PTPN14: variants seen among roughly 807,000 people sequenced by gnomAD.
The protein encoded by PTPN14 is protein tyrosine phosphatase non-receptor type 14.
Under a neutral mutation model 126.8 loss-of-function variants are expected in PTPN14, and 53 were observed. That is an observed-to-expected ratio of 0.42 (90% CI 0.34 to 0.53). PTPN14 has a LOEUF of 0.53. Ranked by LOEUF, PTPN14 falls within the 20% of genes least tolerant of loss-of-function variation. The probability of loss-of-function intolerance (pLI) is 0.08; values close to 1 mark genes in which losing one functional copy is unlikely to be tolerated. For missense variants in PTPN14, 1,257 were observed against 1,552.9 expected, an observed-to-expected ratio of 0.81 and a Z score of 3.20; for synonymous variants, 630 against 599.3, an observed-to-expected ratio of 1.05 and a Z score of -0.75.
At chr1:214,518,524 C>G (rs1416618777) in intron 1 of PTPN14, among the ~76,000 whole-genome samples, 1 of 152,086 alleles carries the variant, frequency 6.6e-6, no homozygotes, top group Non-Finnish European at 1.5e-5. Flanking sequence ...ATCTATTTCA[C>G]AAAGAATGAA....
At position 214,384,151 on chromosome 1, in the gene PTPN14, G is replaced by C. The variant is rs1189277996; in HGVS notation, c.1704C>G (p.Pro568=). 2.5e-6 allele frequency: 4 copies of C among 1,580,556 alleles called. No individual in the cohort carries two copies. In the South Asian group the frequency reaches 3.5e-5, roughly 14 times the overall value. ...TGGCAGGTCGTGGCCGTGGGTAGGG[G>C]GGCGGTGGCCTGAAGAGATAGTTCT... ...MLKNYLFRPP[P]PYPRPRPATS... The change falls in exon 13 of 19, where the codon CCC becomes CCG. Residue 568 remains proline, a synonymous_variant. Transcript: ENST00000366956. The surrounding 1 kb of genome is among the most constrained non-coding windows in gnomAD (Gnocchi z 5.3).
chr1:214,445,233 C>T (rs1477136845), intron 3 of PTPN14, among the ~76,000 whole-genome samples: 1 of 152,174 alleles, frequency 6.6e-6, no homozygotes, highest in Non-Finnish European at 1.5e-5. Context: ...CGAAAACAGA[C>T]ATAGCATCCA....
At chr1:214,408,443 C>G (rs1162056340) in intron 5 of PTPN14, among the ~76,000 whole-genome samples, 2 of 152,138 alleles carry the variant, frequency 1.3e-5, no homozygotes, top group Non-Finnish European at 2.9e-5. Context: ...ACAAACCAAC[C>G]AACAAAAATT....
At chr1:214,456,192 G>C (rs1660378226) in intron 2 of PTPN14, among the ~76,000 whole-genome samples, 1 of 152,128 alleles carries the variant, frequency 6.6e-6, no homozygotes, top group Admixed American at 6.6e-5. Context: ...CTTATCTCAA[G>C]CATTTTGAAG....
rs1441572032 is a variant in PTPN14 at position 214,377,992 on chromosome 1, T to C, written c.2655A>G (p.Arg885=). ...CCATGGGAACCCGGGTGGCATCAAC[T>C]CGATTCTCTTCCCGCCCTGAGACTC... ...VARVSGREEN[R]VDATRVPMDE... Residue 885 remains arginine (R), a synonymous_variant, in exon 14 of 19, where the codon CGA becomes CGG. Coordinates refer to ENST00000366956, the MANE Select transcript of PTPN14 (RefSeq NM_005401.5). 1.9e-6 allele frequency: 3 copies of C among 1,613,372 alleles called. No individual in the cohort carries two copies. Among genetic ancestry groups the C allele is most frequent in the Non-Finnish European group, 2.5e-6 (3 of 1,179,910 alleles).
chr1:214,489,249 A>T (rs559957415), intron 1 of PTPN14, among the ~76,000 whole-genome samples: 64 of 152,290 alleles, frequency 4.2e-4, no homozygotes, highest in African/African-American at 1.5e-3. Context: ...TCCTCATGTT[A>T]TGGGTGACGA....
chr1:214,401,886 C>T (rs1659027266), intron 6 of PTPN14, 114 bp from the exon 7 acceptor site: 2 of 797,878 alleles, frequency 2.5e-6, no homozygotes, highest in Non-Finnish European at 2.1e-6. Flanking sequence ...CTGGGAAGAG[C>T]AATCATTACC....
In PTPN14 at chr1:214,350,045, T is replaced by C. The variant is rs1445311498; in HGVS notation, c.*7877A>G. ...AGATCCCAATCCAATCTTTTCAGCT[T>C]TATCCTCTAAAACCTTTTGTCAGAT... is the stretch of plus-strand genomic sequence containing the variant. On this transcript the variant is annotated 3_prime_UTR_variant, in exon 19 of 19. Transcript: ENST00000366956. 6.6e-6 allele frequency: 1 copy of C among 152,226 alleles called. No individual in the cohort carries two copies. Among genetic ancestry groups the C allele is most frequent in the Non-Finnish European group, 1.5e-5 (1 of 68,040 alleles). The allele number at this position is 152,226 out of a possible 1,614,324, so 9.4% of individuals were successfully genotyped here.
rs542362121 is a variant in PTPN14, at chr1:214,533,208, C to T, written c.-155+17975G>A. On this transcript the variant is annotated intron_variant, in intron 1 of 18. Coordinates refer to ENST00000366956, the MANE Select transcript of PTPN14 (RefSeq NM_005401.5). ...AGCAGCTCAACGAGATCCTGCTGCA[C>T]CTGGCGTCAGGGCTGGCCCAGACCC... The T allele has an allele frequency of 6.7e-4, 459 of 690,150 alleles. 1 individual carries two copies. The highest frequency in any genetic ancestry group is 1.0e-3 in the Non-Finnish European group (402 of 385,662). 42.8% of individuals were successfully genotyped at this position (690,150 alleles called of 1,614,324 possible). A position where few individuals can be genotyped will look rare whatever the true frequency, so the allele number is the denominator to read the frequency against.
chr1:214,407,999 TTC>T (rs58372330), intron 5 of PTPN14, among the ~76,000 whole-genome samples: 19,058 of 152,154 alleles, frequency 0.13, 1,429 homozygotes, highest in Middle Eastern at 0.26. Context: ...CCTCTGCTCC[TTC>T]TCTCTCTGTC....
intron 1 of PTPN14, among the ~76,000 whole-genome samples, chr1:214,497,999 AT>A (rs1654579341): frequency 6.6e-6 from 1 of 152,150 alleles, no homozygotes; most frequent in Non-Finnish European, 1.5e-5. Context: ...GTTCTGGGTG[AT>A]TTTTATTTTC....
chr1:214,420,214 C>T (rs78285917), intron 3 of PTPN14, among the ~76,000 whole-genome samples: 1,870 of 152,270 alleles, frequency 0.012, 47 homozygotes, highest in African/African-American at 0.042. Context: ...AGCAAAGATA[C>T]CCTTAAAAGG....
chr1:214,407,940 T>C (rs988360478), intron 5 of PTPN14, among the ~76,000 whole-genome samples: 7 of 152,178 alleles, frequency 4.6e-5, no homozygotes, highest in Non-Finnish European at 8.8e-5. Flanking sequence ...CACCCGTAGC[T>C]ACAGTCAAAC....
rs974520547 is a variant in PTPN14, at chr1:214,533,151, G to A, written c.-155+18032C>T. On this transcript the variant is annotated intron_variant, in intron 1 of 18. Transcript: ENST00000366956. ...AGGCCAGCTTGGAGAACAGCCTGAG[G>A]GAGGTGGAGGTCCGCTACACCCTGC... 1.5e-5 allele frequency: 11 copies of A among 754,182 alleles called. No homozygotes were observed. The African/African-American group carries it at 1.6e-4, about 11-fold the overall frequency. The allele number at this position is 754,182 out of a possible 1,614,324, so 46.7% of individuals were successfully genotyped here. A position where few individuals can be genotyped will look rare whatever the true frequency, so the allele number is the denominator to read the frequency against.
At chr1:214,496,340 A>G (rs1450145807) in intron 1 of PTPN14, among the ~76,000 whole-genome samples, 1 of 152,168 alleles carries the variant, frequency 6.6e-6, no homozygotes, top group Non-Finnish European at 1.5e-5. Context: ...GGCTTAGCCC[A>G]GTGTTAGGCT....
intron 1 of PTPN14, among the ~76,000 whole-genome samples, chr1:214,548,417 T>G (rs1656025023): frequency 6.6e-6 from 1 of 152,206 alleles, no homozygotes; most frequent in Non-Finnish European, 1.5e-5. Context: ...AACATTAACT[T>G]GAACCTCCTC....
intron 7 of PTPN14, among the ~76,000 whole-genome samples, chr1:214,400,005 G>T (rs1424933465): frequency 1.3e-5 from 2 of 150,284 alleles, no homozygotes; most frequent in African/African-American, 4.9e-5. Context: ...TTGAGCAGGG[G>T]GTTCTTCTTC....
chr1:214,532,245 C>T, intron 1 of PTPN14: 1 of 421,946 alleles, frequency 2.4e-6, no homozygotes, highest in Admixed American at 2.8e-5. Flanking sequence ...GGTCCCTGGG[C>T]TCTGTCCAGC....
intron 2 of PTPN14, among the ~76,000 whole-genome samples, chr1:214,457,813 G>A (rs1357060420): frequency 6.6e-6 from 1 of 152,044 alleles, no homozygotes; most frequent in African/African-American, 2.4e-5. Flanking sequence ...CTCATACTAT[G>A]TCTTCAAAAT....
Sources: gnomAD v4.1 joint callset for allele counts (sites outside exome capture counted in the v4.1 genomes callset) on GRCh38, gnomAD v4.1.1 for gene constraint, Gnocchi (gnomAD v3.1) non-coding constraint, MANE v1.5 for transcripts, NCBI Gene and HGNC (gene_info 2026-07-23, HGNC 2026-07-21) for gene names.